Variants in LIPA observed in about 807,000 individuals in gnomAD.
The protein encoded by LIPA is lysosomal acid lipase/cholesteryl ester hydrolase.
Under a neutral mutation model 40.6 loss-of-function variants are expected in LIPA, and 26 were observed. That is an observed-to-expected ratio of 0.64 (90% CI 0.47 to 0.89). The LOEUF (loss-of-function observed/expected upper bound fraction) is 0.89. LIPA is among the 40% of genes least tolerant of loss of function. The probability of loss-of-function intolerance (pLI) is 0.00; values close to 1 mark genes in which losing one functional copy is unlikely to be tolerated. For synonymous variants in LIPA, 188 were observed against 168.4 expected (o/e 1.12, Z -0.90); for missense variants, 455 against 479.6 (o/e 0.95, Z 0.48).
intron 1 of LIPA, among the ~76,000 whole-genome samples, chr10:89,413,989 T>A (rs1841503962): frequency 1.3e-5 from 2 of 152,182 alleles, no homozygotes; most frequent in Admixed American, 1.3e-4. Context: ...GTGTTTGACA[T>A]TTTCTGCCTA....
At chr10:89,402,906 C>T (rs562615704) in intron 2 of LIPA, 22 of 1,614,140 alleles carry the variant, frequency 1.4e-5, no homozygotes, top group African/African-American at 2.7e-5. Flanking sequence ...GCAGGCTGTC[C>T]GCTTAAATCC....
At chr10:89,217,026 G>T (rs948531964) in intron 8 of LIPA, among the ~76,000 whole-genome samples, 1 of 152,062 alleles carries the variant, frequency 6.6e-6, no homozygotes, top group African/African-American at 2.4e-5. Context: ...TAAAATATTA[G>T]CAAAATGTCA....
chr10:89,259,924 G>A (rs776753725), intron 1 of LIPA, among the ~76,000 whole-genome samples: 1 of 152,132 alleles, frequency 6.6e-6, no homozygotes, highest in African/African-American at 2.4e-5. Flanking sequence ...GAGAGGCATG[G>A]GGAAACTTGG....
At chr10:89,314,050 T>C (rs1843529640) in intron 1 of LIPA, among the ~76,000 whole-genome samples, 1 of 152,242 alleles carries the variant, frequency 6.6e-6, no homozygotes, top group South Asian at 2.1e-4. Context: ...AAATGGGCAC[T>C]CTTATTCCAA....
intron 1 of LIPA, among the ~76,000 whole-genome samples, chr10:89,262,738 G>A (rs1843217162): frequency 6.6e-6 from 1 of 152,198 alleles, no homozygotes; most frequent in South Asian, 2.1e-4. Context: ...CATGAGGAAT[G>A]TTTGAGAAGC....
intron 3 of LIPA, among the ~76,000 whole-genome samples, chr10:89,239,013 T>C (rs1313184983): frequency 2.6e-5 from 4 of 152,212 alleles, no homozygotes; most frequent in Admixed American, 6.5e-5. Flanking sequence ...GTGGCATTCT[T>C]TGGCCCAGGT....
chr10:89,359,514 A>C (rs979109983), intron 2 of LIPA, among the ~76,000 whole-genome samples: 7 of 152,170 alleles, frequency 4.6e-5, no homozygotes, highest in African/African-American at 1.7e-4. Context: ...GGGCCTTAGC[A>C]GCCAGCCTGC....
chr10:89,245,729 T>C lies in LIPA; in HGVS notation c.176A>G (p.Tyr59Cys). ...AGGAATTCGGTTAAGGCACAGAATA[T>C]ATCCATCTTCTGTCTCAACTAGGTA... ...EEYLVETEDG[Y>C]ILCLNRIPHG... Residue 59 changes from tyrosine to cysteine, a missense_variant, in exon 3 of 10, where the codon TAT becomes TGT. Transcript: ENST00000336233. 1 of 1,606,422 alleles carries C rather than the reference T, an allele frequency of 6.2e-7. No homozygotes were observed. The highest frequency in any genetic ancestry group is 8.5e-7 in the Non-Finnish European group (1 of 1,173,014).
intron 2 of LIPA, among the ~76,000 whole-genome samples, chr10:89,359,844 AAC>A (rs72449416): frequency 1.8e-5 from 2 of 111,250 alleles, no homozygotes; most frequent in African/African-American, 3.4e-5. Context: ...CACACACACA[AAC>A]ACACACACAC....
intron 2 of LIPA, among the ~76,000 whole-genome samples, chr10:89,411,606 G>C (rs1474387298): frequency 6.6e-6 from 1 of 152,214 alleles, no homozygotes. Flanking sequence ...GGATTTCTCA[G>C]ACAGTTTGCA....
At chr10:89,339,660 C>T (rs1418631040) in intron 1 of LIPA, 18 of 1,614,064 alleles carry the variant, frequency 1.1e-5, no homozygotes, top group South Asian at 3.3e-5. Context: ...ACTCCGATCT[C>T]GCTGAGTTCC....
chr10:89,239,384 G>T (rs1230015007), intron 3 of LIPA, among the ~76,000 whole-genome samples: 1 of 152,196 alleles, frequency 6.6e-6, no homozygotes, highest in Non-Finnish European at 1.5e-5. Flanking sequence ...TGTAAAACAG[G>T]AGGTAATAGG....
In LIPA at chr10:89,228,262, T is replaced by C; in HGVS notation, c.366A>G (p.Gly122=). 1 of 1,614,210 alleles carries C rather than the reference T, an allele frequency of 6.2e-7. No individual in the cohort carries two copies. Among genetic ancestry groups the C allele is most frequent in the Non-Finnish European group, 8.5e-7 (1 of 1,180,018 alleles). Reference sequence around the variant, plus strand: ...TCTTATGTTTCCGAGACCAGGTATTTCCTCTGCTGTTGCCCATCCACACGT... The same window carrying C: ...TCTTATGTTTCCGAGACCAGGTATTCCCTCTGCTGTTGCCCATCCACACGT... ...GFDVWMGNSR[G]NTWSRKHKTL... The change falls in exon 4 of 10, where the codon GGA becomes GGG. Residue 122 remains glycine (G), a synonymous_variant. Transcript: ENST00000336233.
chr10:89,295,069 AGGAAAGGAAT>A (rs1277935855), intron 1 of LIPA, among the ~76,000 whole-genome samples: 32 of 145,966 alleles, frequency 2.2e-4, no homozygotes, highest in African/African-American at 8.0e-4. Context: ...AGGAAAGGAA[AGGAAAGGAAT>A]GGAAAGGAAA....
At chr10:89,331,858 CAAAAAAAAAAAA>C (rs10540155) in intron 1 of LIPA, among the ~76,000 whole-genome samples, 1 of 80,608 alleles carries the variant, frequency 1.2e-5, no homozygotes, top group Non-Finnish European at 2.6e-5. Context: ...GATCCTGTCT[CAAAAAAAAAAAA>C]AAAAAAAAAA....
intron 2 of LIPA, among the ~76,000 whole-genome samples, chr10:89,371,394 G>C (rs912679204): frequency 6.6e-6 from 1 of 152,208 alleles, no homozygotes; most frequent in Admixed American, 6.5e-5. Flanking sequence ...ATTTGCCTTA[G>C]GGCTGGAGAT....
chr10:89,254,206 C>G (rs1589579654), upstream of LIPA, among the ~76,000 whole-genome samples: 1 of 152,262 alleles, frequency 6.6e-6, no homozygotes, highest in African/African-American at 2.4e-5. Flanking sequence ...CTAGCCCAGG[C>G]TCTCCTTGAG....
In LIPA at chr10:89,365,732, G is replaced by C. The variant is rs559603534; in HGVS notation, c.61+47059C>G. Among the ~76,000 whole-genome samples, 32 of 152,094 alleles carry C rather than the reference G, an allele frequency of 2.1e-4. No individual in the cohort carries two copies. In the East Asian group the frequency reaches 4.3e-3, roughly 20 times the overall value. ...AATCCTTTCCCCATTGCTTGTTTTT[G>C]TCAGGTTTGTCAAAGATCAGATGGT... On this transcript the variant is annotated intron_variant, in intron 2 of 8. Coordinates refer to the LIPA transcript ENST00000371837.
chr10:89,383,461 T>C (rs1589628031), intron 2 of LIPA: 1 of 1,614,062 alleles, frequency 6.2e-7, no homozygotes, highest in African/African-American at 1.3e-5. Flanking sequence ...GGACACCAAA[T>C]ACAATGTGGG....
Sources: gnomAD v4.1 joint callset for allele counts (sites outside exome capture counted in the v4.1 genomes callset) on GRCh38, gnomAD v4.1.1 for gene constraint, MANE v1.5 for transcripts, NCBI Gene and HGNC (gene_info 2026-07-23, HGNC 2026-07-21) for gene names.